The following SRP19 variants were observed in gnomAD, a reference collection of about 807,000 sequenced individuals.
The protein encoded by SRP19 is signal recognition particle 19 kDa protein.
Under a neutral mutation model 22.4 loss-of-function variants are expected in SRP19, and 11 were observed. That is an observed-to-expected ratio of 0.49 (90% CI 0.31 to 0.81). SRP19 has a LOEUF of 0.81. Ranked by LOEUF, SRP19 falls within the 40% of genes least tolerant of loss-of-function variation. The pLI is 0.05. For synonymous variants in SRP19, 61 were observed against 57.6 expected (o/e 1.06, Z -0.27); for missense variants, 168 against 175.9 (o/e 0.96, Z 0.25).
intron 4 of SRP19, among the ~76,000 whole-genome samples, chr5:112,885,994 G>A (rs1021582045): frequency 6.6e-6 from 1 of 152,228 alleles, no homozygotes; most frequent in African/African-American, 2.4e-5. Flanking sequence ...GTGACTGTGG[G>A]TATGAGGGCT....
rs762140400 is a variant in SRP19, at chr5:112,892,683, T to C, written c.*1076T>C. The C allele has an allele frequency of 4.3e-6, 7 of 1,613,928 alleles. No homozygotes were observed. The Admixed American group carries it at 5.0e-5, about 12-fold the overall frequency. ...CCAACAATGAATTCTGGGAAGCTAA[T>C]AGAGACATCTACTTGTCTTCAGATC... On this transcript the variant is annotated 3_prime_UTR_variant, in exon 5 of 5. Coordinates refer to the SRP19 transcript ENST00000391338.
downstream of SRP19, chr5:112,893,274 G>A (rs1356545865): frequency 1.4e-4 from 36 of 266,218 alleles, no homozygotes; most frequent in South Asian, 1.5e-3. Flanking sequence ...GCCAGGTGTG[G>A]TGGCAGGCGT....
downstream of SRP19, among the ~76,000 whole-genome samples, chr5:112,872,974 CT>C (rs1767789582): frequency 6.6e-6 from 1 of 151,798 alleles, no homozygotes; most frequent in African/African-American, 2.4e-5. Context: ...AAGGGAATTG[CT>C]TTTTGGTCTT....
chr5:112,863,612 C>G (rs747291774), intron 2 of SRP19, among the ~76,000 whole-genome samples: 2 of 152,186 alleles, frequency 1.3e-5, no homozygotes, highest in Non-Finnish European at 2.9e-5. Flanking sequence ...ACTGCCCTGT[C>G]TCCTCTATAG....
chr5:112,861,387 C>G lies in SRP19; in HGVS notation c.11C>G (p.Ala4Gly), dbSNP rs199905553. 2.3e-4 allele frequency: 377 copies of G among 1,614,042 alleles called. 1 individual carries two copies. The highest frequency in any genetic ancestry group is 3.0e-4 in the Non-Finnish European group (350 of 1,180,042). MAC[A>G]AARSPADQDR... Reference sequence around the variant, plus strand: ...GAGACTCTTGTGAAGATGGCTTGCGCTGCCGCGCGGTCCCCGGCCGACCAG... The same window carrying G: ...GAGACTCTTGTGAAGATGGCTTGCGGTGCCGCGCGGTCCCCGGCCGACCAG... The change falls in exon 1 of 5, where the codon GCT (alanine) becomes GGT (glycine). Residue 4 changes from alanine to glycine, a missense_variant. Coordinates refer to ENST00000505459, the MANE Select transcript of SRP19 (RefSeq NM_003135.3).
At chr5:112,864,970 T>G (rs1767543266) in intron 4 of SRP19, 1 of 337,708 alleles carries the variant, frequency 3.0e-6, no homozygotes, top group Non-Finnish European at 5.4e-6. Flanking sequence ...TGTGAACATT[T>G]TATAAACCTC....
downstream of SRP19, among the ~76,000 whole-genome samples, chr5:112,871,543 A>G (rs533222523): frequency 1.1e-3 from 162 of 152,064 alleles, 1 homozygote; most frequent in African/African-American, 3.5e-3. Context: ...GATGACTTGC[A>G]GTCAGGAGTT....
At chr5:112,873,921 T>G (rs1767838359), downstream of SRP19, among the ~76,000 whole-genome samples, 1 of 151,984 alleles carries the variant, frequency 6.6e-6, no homozygotes, top group South Asian at 2.1e-4. Flanking sequence ...CTCAGCACTT[T>G]GGGAGGCTGA....
chr5:112,884,783 C>A (rs1580730247), intron 4 of SRP19, among the ~76,000 whole-genome samples: 1 of 151,662 alleles, frequency 6.6e-6, no homozygotes, highest in Middle Eastern at 3.4e-3. Context: ...TCCTTGGCCC[C>A]CCCCCATCTT....
At chr5:112,893,934 AC>A (rs1441984206), downstream of SRP19, 3 of 151,464 alleles carry the variant, frequency 2.0e-5, no homozygotes, top group Non-Finnish European at 4.4e-5. Flanking sequence ...GAGGTTCAGA[AC>A]CTTGGTTTTT....
At chr5:112,874,260 T>G (rs1767845744), downstream of SRP19, among the ~76,000 whole-genome samples, 2 of 152,148 alleles carry the variant, frequency 1.3e-5, no homozygotes, top group South Asian at 4.1e-4. Flanking sequence ...GTGGATCACT[T>G]GAAAGCCCAG....
chr5:112,893,269 G>C (rs1768557869), downstream of SRP19: 1 of 273,132 alleles, frequency 3.7e-6, no homozygotes, highest in South Asian at 4.2e-5. Context: ...AATTAGCCAG[G>C]TGTGGTGGCA....
chr5:112,892,565 T>C (rs778715128), exon 5 of SRP19: 1 of 1,614,190 alleles, frequency 6.2e-7, no homozygotes, highest in Admixed American at 1.7e-5. Flanking sequence ...TTCTGCCCAG[T>C]GACCCGGTGG....
intron 4 of SRP19, among the ~76,000 whole-genome samples, chr5:112,881,633 T>A (rs1458949110): frequency 1.3e-5 from 2 of 152,206 alleles, no homozygotes; most frequent in Middle Eastern, 3.2e-3. Context: ...ATTGCCACTT[T>A]CAGAATCTCA....
Position 112,864,708 on chromosome 5 carries a change from C to G in SRP19, c.277C>G (p.Leu93Val). ...CCAGCTCAAACAGGAAGATGGGAGC[C>G]TCTGCCTTGTACAGTTCCCATCACG... ...RVQLKQEDGS[L>V]CLVQFPSRKS... Residue 93 changes from leucine (L) to valine (V), a missense_variant, in exon 4 of 5, where the codon CTC (leucine) becomes GTC (valine). Transcript: ENST00000505459. The G allele has an allele frequency of 6.2e-7, 1 of 1,613,962 alleles. No homozygotes were observed. Among genetic ancestry groups the G allele is most frequent in the Non-Finnish European group, 8.5e-7 (1 of 1,179,956 alleles).
chr5:112,891,369 G>A (rs911720718), intron 4 of SRP19, among the ~76,000 whole-genome samples: 34 of 151,996 alleles, frequency 2.2e-4, no homozygotes, highest in African/African-American at 7.0e-4. Context: ...CACCGCACCT[G>A]GCCATAAGTA....
At chr5:112,892,747 G>C (rs1273621192) in exon 5 of SRP19, 1 of 1,613,896 alleles carries the variant, frequency 6.2e-7, no homozygotes, top group Non-Finnish European at 8.5e-7. Flanking sequence ...CGAGAGGAGG[G>C]AGAAGATGGG....
downstream of SRP19, among the ~76,000 whole-genome samples, chr5:112,874,668 A>G (rs1490769173): frequency 6.6e-6 from 1 of 152,064 alleles, no homozygotes; most frequent in Non-Finnish European, 1.5e-5. Flanking sequence ...ATAATGAAGA[A>G]CTTTCAGCCC....
At chr5:112,863,729 G>C (rs1432882484) in intron 2 of SRP19, among the ~76,000 whole-genome samples, 1 of 151,880 alleles carries the variant, frequency 6.6e-6, no homozygotes, top group Non-Finnish European at 1.5e-5. Flanking sequence ...CGGCAGTGTA[G>C]TCTCAGCGCA....
Sources: gnomAD v4.1 joint callset for allele counts (sites outside exome capture counted in the v4.1 genomes callset) on GRCh38, gnomAD v4.1.1 for gene constraint, MANE v1.5 for transcripts, NCBI Gene and HGNC (gene_info 2026-07-23, HGNC 2026-07-21) for gene names.